WNT9A: variants seen among roughly 807,000 people sequenced by gnomAD.
WNT9A encodes the protein protein Wnt-9a.
Under a neutral mutation model 31.4 loss-of-function variants are expected in WNT9A, and 8 were observed. The ratio of observed to expected loss-of-function variants is 0.26; its 90% CI spans 0.15 to 0.46. WNT9A has a LOEUF of 0.46. WNT9A is among the 20% of genes least tolerant of loss of function. The pLI, the probability that WNT9A is intolerant of heterozygous loss-of-function variation, is 0.99. For synonymous variants in WNT9A, 236 were observed against 220.1 expected (o/e 1.07, Z -0.64); for missense variants, 457 against 522.9 (o/e 0.87, Z 1.23).
At chr1:227,931,880 CTT>C (rs33949354) in intron 1 of WNT9A, among the ~76,000 whole-genome samples, 6 of 142,562 alleles carry the variant, frequency 4.2e-5, no homozygotes, top group Non-Finnish European at 6.1e-5. Flanking sequence ...GTGGAAATGT[CTT>C]TTTTTTTTTT....
At position 227,925,371 on chromosome 1, in the gene WNT9A, G is replaced by T; in HGVS notation, c.244C>A (p.Leu82Met). 6.2e-7 allele frequency: 1 copy of T among 1,611,534 alleles called. No homozygotes were observed. Among genetic ancestry groups the T allele is most frequent in the East Asian group, 2.2e-5 (1 of 44,836 alleles). Residue 82 changes from leucine (L) to methionine (M), a missense_variant, in exon 2 of 4, where the codon CTG becomes ATG. Leu to Met is a conservative substitution (Grantham distance 15, BLOSUM62 2). Transcript: ENST00000272164. This position sits in a 1 kb window ranked among gnomAD's most constrained non-coding sequence, Gnocchi z 6.0. Reference protein sequence around the residue: ...CRRDPGVAETLVEAVSMSALE... With the variant: ...CRRDPGVAETMVEAVSMSALE... ...GCACTCATGCTCACGGCCTCCACCA[G>T]CGTCTCTGCCACGCCCGGGTCCCGG...
chr1:227,921,848 G>A lies in WNT9A; in HGVS notation c.768C>T (p.Thr256=), dbSNP rs1222111625. Residue 256 remains threonine, a synonymous_variant, in exon 4 of 4, where the codon ACC becomes ACT. Coordinates refer to ENST00000272164, the MANE Select transcript of WNT9A (RefSeq NM_003395.4). ...CTGCCTCGCCGGCAGCTTCATTGGT[G>A]GTGCTGCCCACCTTGAGTGCCGTCT... is the stretch of plus-strand genomic sequence containing the variant. The part of the protein sequence containing the change: ...KYETALKVGS[T]TNEAAGEAGA... 2.5e-6 allele frequency: 4 copies of A among 1,613,024 alleles called. No individual in the cohort carries two copies. The African/African-American group carries it at 5.3e-5, about 22-fold the overall frequency.
rs1371348514 is a variant in WNT9A, at chr1:227,942,504, G to A, written c.95+5289C>T. Among the ~76,000 whole-genome samples, 4 of 152,080 alleles carry A rather than the reference G, an allele frequency of 2.6e-5. No homozygotes were observed. Among genetic ancestry groups the A allele is most frequent in the African/African-American group, 4.8e-5 (2 of 41,416 alleles). On this transcript the variant is annotated intron_variant, in intron 1 of 3. Transcript: ENST00000272164. This position sits in a 1 kb window ranked among gnomAD's most constrained non-coding sequence, Gnocchi z 5.7. ...TCCAGGAGTCCTGGAGAAATGCCCCGACTTTCCACTGGCCCTGTCCTCTCC... is the reference window on the plus strand; with the variant it reads ...TCCAGGAGTCCTGGAGAAATGCCCCAACTTTCCACTGGCCCTGTCCTCTCC...
In WNT9A at chr1:227,928,791, C is replaced by T. The variant is rs1666461614; in HGVS notation, c.96-3272G>A. ...GGGCTGAAGAAGGGAGGAGTGGTTCCCAACACAACCTCAGAACAGAGAAGC... is the reference window on the plus strand; with the variant it reads ...GGGCTGAAGAAGGGAGGAGTGGTTCTCAACACAACCTCAGAACAGAGAAGC... On this transcript the variant is annotated intron_variant, in intron 1 of 3. Coordinates refer to ENST00000272164, the MANE Select transcript of WNT9A (RefSeq NM_003395.4). The surrounding 1 kb of genome is among the most constrained non-coding windows in gnomAD (Gnocchi z 4.5). Among the ~76,000 whole-genome samples the T allele has an allele frequency of 6.6e-6, 1 of 152,162 alleles. No homozygotes were observed. Among genetic ancestry groups the T allele is most frequent in the Admixed American group, 6.5e-5 (1 of 15,276 alleles).
At chr1:227,923,436 T>C (rs560018853) in intron 3 of WNT9A, among the ~76,000 whole-genome samples, 1 of 152,212 alleles carries the variant, frequency 6.6e-6, no homozygotes, top group African/African-American at 2.4e-5. Context: ...CCCCCAGACA[T>C]GTGGACCTGG....
chr1:227,946,989 G>A (rs1666804746), intron 1 of WNT9A, among the ~76,000 whole-genome samples: 1 of 152,214 alleles, frequency 6.6e-6, no homozygotes, highest in Non-Finnish European at 1.5e-5. Flanking sequence ...CTCGCACGGC[G>A]CCACCCTGCA....
intron 1 of WNT9A, 27 bp downstream of exon 1, chr1:227,947,766 T>G: frequency 2.9e-6 from 3 of 1,052,492 alleles, no homozygotes; most frequent in South Asian, 8.5e-5. Context: ...CGCCCACCAG[T>G]GCGCGCCGGC....
At position 227,926,302 on chromosome 1, in the gene WNT9A, G is replaced by A. The variant is rs781196746; in HGVS notation, c.96-783C>T. On this transcript the variant is annotated intron_variant, in intron 1 of 3. Coordinates refer to ENST00000272164, the MANE Select transcript of WNT9A (RefSeq NM_003395.4). This position sits in a 1 kb window ranked among gnomAD's most constrained non-coding sequence, Gnocchi z 5.0. ...TGCACCAGTACCCAGCACTGAGGAC[G>A]CATCCCCAACCTCAACTGCTCCAGG... is the stretch of plus-strand genomic sequence containing the variant. Among the ~76,000 whole-genome samples the A allele has an allele frequency of 2.6e-4, 40 of 152,064 alleles. No individual in the cohort carries two copies. Among genetic ancestry groups the A allele is most frequent in the Non-Finnish European group, 4.4e-4 (30 of 68,006 alleles).
intron 3 of WNT9A, among the ~76,000 whole-genome samples, chr1:227,922,885 C>T (rs548942921): frequency 2.6e-4 from 40 of 152,220 alleles, no homozygotes; most frequent in African/African-American, 9.6e-4. Context: ...GAAATCCAGC[C>T]ACCTCTGGCC....
At chr1:227,927,064 C>A (rs1365615886) in intron 1 of WNT9A, among the ~76,000 whole-genome samples, 2 of 152,166 alleles carry the variant, frequency 1.3e-5, no homozygotes, top group Non-Finnish European at 2.9e-5. Flanking sequence ...CCCGGCCAAG[C>A]TGACGTCCTG....
Position 227,926,837 on chromosome 1 carries a change from A to G in WNT9A, c.96-1318T>C, listed in dbSNP as rs545788454. Among the ~76,000 whole-genome samples, 11 of 152,148 alleles carry G rather than the reference A, an allele frequency of 7.2e-5. No individual in the cohort carries two copies. The highest frequency in any genetic ancestry group is 6.5e-4 in the Admixed American group (10 of 15,296). On this transcript the variant is annotated intron_variant, in intron 1 of 3. Coordinates refer to ENST00000272164, the MANE Select transcript of WNT9A (RefSeq NM_003395.4). The surrounding 1 kb of genome is among the most constrained non-coding windows in gnomAD (Gnocchi z 5.0). ...ACCCTGCCACCCACCCCGAGGGAGT[A>G]GCTCCTGCCCAACGGTATGGAGGGG... is the stretch of plus-strand genomic sequence containing the variant.
rs1306748384 is a variant in WNT9A, at chr1:227,924,298, T to C, written c.455A>G (p.Asp152Gly). ...SAGRMERCTCDEAPDLENREA... is the reference protein window; with the variant it reads ...SAGRMERCTCGEAPDLENREA... ...ACGGTTCTCCAGGTCGGGTGCCTCA[T>C]CGCAGGTACAGCGCTCCATGCGGCC... The change falls in exon 3 of 4, where the codon GAT (aspartate) becomes GGT (glycine). Residue 152 changes from aspartate (D) to glycine (G), a missense_variant. Asp to Gly is a moderately conservative substitution (Grantham distance 94). Coordinates refer to ENST00000272164, the MANE Select transcript of WNT9A (RefSeq NM_003395.4). 3 of 1,613,740 alleles carry C rather than the reference T, an allele frequency of 1.9e-6. No individual in the cohort carries two copies. Among genetic ancestry groups the C allele is most frequent in the Non-Finnish European group, 2.5e-6 (3 of 1,179,968 alleles).
intron 1 of WNT9A, among the ~76,000 whole-genome samples, chr1:227,927,021 C>T (rs1454132211): frequency 6.6e-6 from 1 of 152,078 alleles, no homozygotes; most frequent in Non-Finnish European, 1.5e-5. Flanking sequence ...TCCACAGGAG[C>T]CACCCACCTG....
chr1:227,940,049 G>A (rs1273178362), intron 1 of WNT9A, among the ~76,000 whole-genome samples: 3 of 152,156 alleles, frequency 2.0e-5, no homozygotes, highest in Admixed American at 6.5e-5. Flanking sequence ...AAGCATCCTC[G>A]GGCCTGAGAG....
At chr1:227,929,121 CT>C (rs977687630) in intron 1 of WNT9A, among the ~76,000 whole-genome samples, 77 of 152,234 alleles carry the variant, frequency 5.1e-4, no homozygotes, top group African/African-American at 1.7e-3. Context: ...CCAACTGGCT[CT>C]TCAAACCTGT....
chr1:227,925,883 G>A lies in WNT9A; in HGVS notation c.96-364C>T, dbSNP rs1314313052. 1.3e-5 allele frequency among the ~76,000 whole-genome samples: 2 copies of A among 152,112 alleles called. No homozygotes were observed. The highest frequency in any genetic ancestry group is 3.9e-4 in the East Asian group (2 of 5,172). ...CGCCTAGGGCTGTGGGCAGGGAGGA[G>A]GCTCCGGAGCCTGAATCCCAAACTA... On this transcript the variant is annotated intron_variant, in intron 1 of 3. Coordinates refer to ENST00000272164, the MANE Select transcript of WNT9A (RefSeq NM_003395.4). The surrounding 1 kb of genome is among the most constrained non-coding windows in gnomAD (Gnocchi z 6.0).
intron 1 of WNT9A, among the ~76,000 whole-genome samples, chr1:227,940,986 G>A (rs1216956483): frequency 2.0e-5 from 3 of 152,240 alleles, no homozygotes; most frequent in Non-Finnish European, 4.4e-5. Context: ...TATGACCCCT[G>A]AAGGAAAACC....
intron 3 of WNT9A, among the ~76,000 whole-genome samples, chr1:227,923,876 G>C (rs560924286): frequency 2.6e-5 from 4 of 152,276 alleles, no homozygotes; most frequent in Non-Finnish European, 4.4e-5. Flanking sequence ...TCTGCAGGCA[G>C]ACATGGGGTA....
chr1:227,941,038 C>T (rs1227821733), intron 1 of WNT9A, among the ~76,000 whole-genome samples: 1 of 152,280 alleles, frequency 6.6e-6, no homozygotes, highest in Non-Finnish European at 1.5e-5. Context: ...CATGGCTGCT[C>T]TGGTGGGGCC....
Sources: allele counts gnomAD v4.1 joint callset (sites outside exome capture counted in the v4.1 genomes callset), GRCh38; gene constraint gnomAD v4.1.1; non-coding constraint Gnocchi (gnomAD v3.1); transcripts MANE v1.5; gene names NCBI Gene and HGNC (gene_info 2026-07-23, HGNC 2026-07-21).